Variants in TMEM62 observed in about 807,000 individuals in gnomAD.
TMEM62 encodes transmembrane protein 62.
TMEM62 carries 41 observed loss-of-function variants against 70.4 expected under a neutral mutation model. The ratio of observed to expected loss-of-function variants is 0.58; its 90% CI spans 0.45 to 0.76. The LOEUF (loss-of-function observed/expected upper bound fraction) is 0.76. Among genes scored for constraint, TMEM62 ranks in the 30% least tolerant of loss-of-function variants. TMEM62 has a pLI of 0.00. For synonymous variants in TMEM62, 268 were observed against 291.0 expected (o/e 0.92, Z 0.80); for missense variants, 688 against 788.5 (o/e 0.87, Z 1.53).
At chr15:43,147,160 C>T (rs937951990) in intron 5 of TMEM62, among the ~76,000 whole-genome samples, 7 of 152,056 alleles carry the variant, frequency 4.6e-5, no homozygotes, top group African/African-American at 7.2e-5. Flanking sequence ...AAGGGGGTTT[C>T]GCCATGTTGG....
chr15:43,141,864 A>G (rs1414692834), intron 4 of TMEM62, among the ~76,000 whole-genome samples: 2 of 152,222 alleles, frequency 1.3e-5, no homozygotes, highest in Non-Finnish European at 2.9e-5. Context: ...GAAGAACTGT[A>G]AATGTGGAAA....
At chr15:43,142,534 C>T (rs181125262) in intron 4 of TMEM62, among the ~76,000 whole-genome samples, 36 of 152,090 alleles carry the variant, frequency 2.4e-4, no homozygotes, top group African/African-American at 8.0e-4. Context: ...AAGAAATTAC[C>T]ACAGCCACCC....
chr15:43,134,419 A>C (rs142173389), intron 2 of TMEM62, 51 bp downstream of exon 2: 4 of 1,439,828 alleles, frequency 2.8e-6, no homozygotes, highest in Non-Finnish European at 3.9e-6. Flanking sequence ...GCATGGTAGA[A>C]CTCTAGCCAG....
chr15:43,139,850 G>A (rs2035748790), intron 4 of TMEM62, among the ~76,000 whole-genome samples: 1 of 152,232 alleles, frequency 6.6e-6, no homozygotes, highest in African/African-American at 2.4e-5. Flanking sequence ...AATATGCAGT[G>A]TGACGCAGCA....
In TMEM62 at chr15:43,162,433, C is replaced by CTTTTTTTTTTTTTTTTTTTT. The variant is rs1169921008; in HGVS notation, c.1296+1652_1296+1653insTTTTTTTTTTTTTTTTTTTT. 2.0e-3 allele frequency among the ~76,000 whole-genome samples: 268 copies of CTTTTTTTTTTTTTTTTTTTT among 136,932 alleles called. 16 individuals are homozygous for CTTTTTTTTTTTTTTTTTTTT. The highest frequency in any genetic ancestry group is 8.1e-3 in the African/African-American group (262 of 32,472). 89.8% of individuals were successfully genotyped at this position (136,932 alleles called of 152,430 possible). ...CAGGCGTGAGCCACTGCCCCTGGCC[C>CTTTTTTTTTTTTTTTTTTTT]TTTTTTTTTTTTTGTTGAGCTGGAG... On this transcript the variant is annotated intron_variant, in intron 10 of 13. Coordinates refer to ENST00000260403, the MANE Select transcript of TMEM62 (RefSeq NM_024956.4).
chr15:43,171,673 G>A (rs1256314842), intron 11 of TMEM62, among the ~76,000 whole-genome samples: 1 of 145,248 alleles, frequency 6.9e-6, no homozygotes. Flanking sequence ...TGTCCCCCAG[G>A]CTGGAGTGCA....
intron 8 of TMEM62, among the ~76,000 whole-genome samples, chr15:43,152,382 G>T (rs1224183668): frequency 1.3e-5 from 2 of 151,886 alleles, no homozygotes; most frequent in East Asian, 3.9e-4. Flanking sequence ...GTTGGCAAAT[G>T]AATTTGTTTT....
chr15:43,181,075 G>A, intron 12 of TMEM62, 106 bp from the exon 13 acceptor site: 1 of 755,302 alleles, frequency 1.3e-6, no homozygotes, highest in Non-Finnish European at 2.3e-6. Flanking sequence ...CTTATAGATG[G>A]CTAGTCTCAT....
intron 10 of TMEM62, among the ~76,000 whole-genome samples, chr15:43,167,942 C>G (rs930451425): frequency 4.6e-5 from 7 of 152,096 alleles, no homozygotes; most frequent in Non-Finnish European, 1.0e-4. Flanking sequence ...GCCAACACAG[C>G]GAAACCCCGT....
chr15:43,172,845 C>T (rs1451639267), intron 11 of TMEM62, among the ~76,000 whole-genome samples: 5 of 152,106 alleles, frequency 3.3e-5, no homozygotes, highest in Non-Finnish European at 5.9e-5. Flanking sequence ...AAAGACCTTA[C>T]AGGAAGACCT....
At chr15:43,157,052 A>G (rs2038130312) in intron 9 of TMEM62, among the ~76,000 whole-genome samples, 1 of 152,190 alleles carries the variant, frequency 6.6e-6, no homozygotes, top group Non-Finnish European at 1.5e-5. Context: ...TAAACTGTAG[A>G]TAAGTCAGAT....
chr15:43,169,296 A>T (rs946102258), intron 10 of TMEM62: 4 of 251,072 alleles, frequency 1.6e-5, no homozygotes, highest in Non-Finnish European at 2.3e-5. Context: ...CCTCCTCCAA[A>T]AGGGGCTTGT....
chr15:43,151,319 G>GAAAAA (rs896405823), intron 7 of TMEM62, among the ~76,000 whole-genome samples: 9 of 53,402 alleles, frequency 1.7e-4, no homozygotes, highest in Non-Finnish European at 2.1e-4. Flanking sequence ...TCAAAAATAA[G>GAAAAA]AAAAAAAAAA....
rs200965097 is a variant in TMEM62 at position 43,184,477 on chromosome 15, G to A, written c.1823G>A (p.Arg608Gln). The A allele has an allele frequency of 2.8e-5, 45 of 1,614,022 alleles. No homozygotes were observed. The highest frequency in any genetic ancestry group is 3.6e-5 in the Non-Finnish European group (42 of 1,180,014). Reference sequence around the variant, plus strand: ...CTAGCTTTTTTATTCTCCCCTTTGCGGACCTGGTTGACACTGCTGACACCT... The same window carrying A: ...CTAGCTTTTTTATTCTCCCCTTTGCAGACCTGGTTGACACTGCTGACACCT... Reference protein sequence around the residue: ...GTLAFLFSPLRTWLTLLTPVL... With the variant: ...GTLAFLFSPLQTWLTLLTPVL... The change falls in exon 14 of 14, where the codon CGG becomes CAG. Residue 608 changes from arginine to glutamine, a missense_variant. Transcript: ENST00000260403.
intron 10 of TMEM62, among the ~76,000 whole-genome samples, chr15:43,161,694 CTT>C (rs965519253): frequency 9.2e-5 from 14 of 152,110 alleles, no homozygotes; most frequent in Admixed American, 2.6e-4. Context: ...GAGTTTTGCT[CTT>C]GTTTCCCAGG....
intron 13 of TMEM62, 123 bp downstream of exon 13, chr15:43,181,422 C>A: frequency 1.4e-6 from 1 of 690,386 alleles, no homozygotes; most frequent in Non-Finnish European, 2.5e-6. Flanking sequence ...ACTTTACTTG[C>A]AGGGCAGTCT....
chr15:43,142,370 G>A (rs2036149294), intron 4 of TMEM62, among the ~76,000 whole-genome samples: 1 of 151,724 alleles, frequency 6.6e-6, no homozygotes, highest in Non-Finnish European at 1.5e-5. Flanking sequence ...TCACCATATT[G>A]GCCAGGCTGG....
intron 11 of TMEM62, among the ~76,000 whole-genome samples, chr15:43,171,634 T>TTG (rs1306587400): frequency 7.1e-4 from 101 of 142,992 alleles, no homozygotes; most frequent in Non-Finnish European, 1.1e-3. Context: ...TTTTTTTTTT[T>TTG]TGTGTGTGTG....
intron 13 of TMEM62, among the ~76,000 whole-genome samples, chr15:43,182,747 C>T (rs2041474848): frequency 6.6e-6 from 1 of 152,320 alleles, no homozygotes; most frequent in Admixed American, 6.5e-5. Flanking sequence ...AGCCACTGCA[C>T]CCAGCCTCAT....
Sources: allele counts gnomAD v4.1 joint callset (sites outside exome capture counted in the v4.1 genomes callset), GRCh38; gene constraint gnomAD v4.1.1; transcripts MANE v1.5; gene names NCBI Gene and HGNC (gene_info 2026-07-23, HGNC 2026-07-21).